EBF2: variants seen among roughly 807,000 people sequenced by gnomAD.
The protein encoded by EBF2 is transcription factor COE2.
EBF2 carries 21 observed loss-of-function variants against 72.8 expected under a neutral mutation model. The observed-to-expected ratio is 0.29, with a 90% CI of 0.20 to 0.42. The LOEUF is 0.42. Among genes scored for constraint, EBF2 ranks in the 10% least tolerant of loss-of-function variants. The pLI, the probability that EBF2 is intolerant of heterozygous loss-of-function variation, is 1.00. For synonymous variants in EBF2, 299 were observed against 274.2 expected (o/e 1.09, Z -0.89); for missense variants, 637 against 731.2 (o/e 0.87, Z 1.49).
chr8:25,889,940 C>A, intron 7 of EBF2, 71 bp from the exon 8 acceptor site: 2 of 1,344,442 alleles, frequency 1.5e-6, no homozygotes, highest in Non-Finnish European at 1.1e-6. Context: ...GCAAATGCAC[C>A]AAAATTCTGT....
At chr8:25,869,920 G>A (rs1388817949) in intron 10 of EBF2, among the ~76,000 whole-genome samples, 1 of 152,132 alleles carries the variant, frequency 6.6e-6, no homozygotes, top group Non-Finnish European at 1.5e-5. Flanking sequence ...GGTAAAGGTG[G>A]GATCTGTGTC....
At chr8:26,001,155 T>C (rs1585222089) in intron 6 of EBF2, among the ~76,000 whole-genome samples, 3 of 152,166 alleles carry the variant, frequency 2.0e-5, no homozygotes, top group Non-Finnish European at 4.4e-5. Flanking sequence ...TGCTTGGCAA[T>C]GGCTCACTGG....
At chr8:25,848,002 A>C (rs1244349213) in intron 15 of EBF2, among the ~76,000 whole-genome samples, 2 of 151,898 alleles carry the variant, frequency 1.3e-5, no homozygotes, top group African/African-American at 2.4e-5. Context: ...AACCACCTGT[A>C]CCCCCAAAAT....
chr8:25,897,996 T>C (rs547767546), intron 7 of EBF2, among the ~76,000 whole-genome samples: 11 of 152,308 alleles, frequency 7.2e-5, no homozygotes, highest in Admixed American at 7.2e-4. Flanking sequence ...TGGGTATTTA[T>C]TGAGACCCCT....
chr8:25,866,673 C>G (rs1233494573), intron 10 of EBF2, among the ~76,000 whole-genome samples: 7 of 142,350 alleles, frequency 4.9e-5, no homozygotes, highest in Non-Finnish European at 1.1e-4. Flanking sequence ...GCTGTGTCAC[C>G]CCGGCTGGAG....
At chr8:25,957,300 C>A (rs1266361559) in intron 6 of EBF2, among the ~76,000 whole-genome samples, 1 of 152,180 alleles carries the variant, frequency 6.6e-6, no homozygotes, top group Non-Finnish European at 1.5e-5. Context: ...CACATGTCTT[C>A]ACAAGAGTTT....
chr8:26,009,108 A>G (rs1485528670), intron 6 of EBF2, among the ~76,000 whole-genome samples: 2 of 3,492 alleles, frequency 5.7e-4, no homozygotes, highest in Non-Finnish European at 1.3e-3. Context: ...AGTAAAAGCG[A>G]AAAAAAAAAA....
chr8:25,870,675 T>C (rs904932193), intron 10 of EBF2, among the ~76,000 whole-genome samples: 7 of 152,102 alleles, frequency 4.6e-5, no homozygotes, highest in Non-Finnish European at 1.0e-4. Flanking sequence ...GGATACAGGG[T>C]CATGTCTAGT....
chr8:25,990,828 C>T (rs1432552652), intron 6 of EBF2, among the ~76,000 whole-genome samples: 1 of 152,216 alleles, frequency 6.6e-6, no homozygotes, highest in African/African-American at 2.4e-5. Flanking sequence ...TCTGTGTATT[C>T]TTCCCAGGCA....
rs1394880484 is a variant in EBF2, at chr8:25,887,815, C to T, written c.882+27G>A. 12 of 1,518,828 alleles carry T rather than the reference C, an allele frequency of 7.9e-6. 1 individual carries two copies. The highest frequency in any genetic ancestry group is 1.8e-4 in the Middle Eastern group (1 of 5,648). 94.1% of individuals were successfully genotyped at this position (1,518,828 alleles called of 1,614,324 possible). On this transcript the variant is annotated intron_variant, in intron 9 of 15. Coordinates refer to ENST00000520164, the MANE Select transcript of EBF2 (RefSeq NM_022659.4). ...AAACAATCTTTGGGCAAAAGGAAATCAGAGTAAGCCTGTTGCCTCTGCTTA... is the reference window on the plus strand; with the variant it reads ...AAACAATCTTTGGGCAAAAGGAAATTAGAGTAAGCCTGTTGCCTCTGCTTA...
chr8:26,008,820 A>G (rs1585225570), intron 6 of EBF2, among the ~76,000 whole-genome samples: 1 of 129,756 alleles, frequency 7.7e-6, no homozygotes, highest in Admixed American at 9.0e-5. Flanking sequence ...AACTACTCTT[A>G]CCCCTATTTA....
chr8:26,040,235 G>A, intron 4 of EBF2, 134 bp from the exon 5 acceptor site: 1 of 945,370 alleles, frequency 1.1e-6, no homozygotes, highest in Non-Finnish European at 1.6e-6. Flanking sequence ...CCCGCCCGCA[G>A]CACATTCTGC....
In EBF2 at chr8:26,044,085, CTCT is replaced by C. The variant is rs760308870; in HGVS notation, c.131+641_131+643del. Among the ~76,000 whole-genome samples, 2 of 152,220 alleles carry C rather than the reference CTCT, an allele frequency of 1.3e-5. No individual in the cohort carries two copies. Among genetic ancestry groups the C allele is most frequent in the East Asian group, 1.9e-4 (1 of 5,180 alleles). ...CTCAGTATTTTCTCTTCTTTTAAAT[CTCT>C]TCTTTTCTCCAGTTCCCTAGCTCCG... On this transcript the variant is annotated intron_variant, in intron 1 of 15. Transcript: ENST00000520164. The surrounding 1 kb of genome is among the most constrained non-coding windows in gnomAD (Gnocchi z 4.1).
intron 10 of EBF2, among the ~76,000 whole-genome samples, chr8:25,885,509 C>T (rs994752881): frequency 1.3e-5 from 2 of 152,096 alleles, no homozygotes; most frequent in Non-Finnish European, 2.9e-5. Context: ...GCTTTCTTTC[C>T]CTCCCATGCT....
intron 6 of EBF2, among the ~76,000 whole-genome samples, chr8:25,988,664 G>A (rs1443143438): frequency 6.6e-6 from 1 of 152,202 alleles, no homozygotes; most frequent in East Asian, 1.9e-4. Context: ...CAATCTAGTT[G>A]AAGAGAGAAT....
rs577222269 is a variant in EBF2, at chr8:25,964,585, G to A, written c.552-56030C>T. On this transcript the variant is annotated intron_variant, in intron 6 of 15. Transcript: ENST00000520164. ...AGACAGTTCCATGTTTAATGGGAGCGCCACATGTTTGATATGTAGGGAAGT... is the reference window on the plus strand; with the variant it reads ...AGACAGTTCCATGTTTAATGGGAGCACCACATGTTTGATATGTAGGGAAGT... Among the ~76,000 whole-genome samples the A allele has an allele frequency of 1.2e-4, 19 of 152,248 alleles. 1 individual carries two copies. In the South Asian group the frequency reaches 2.3e-3, roughly 18 times the overall value.
chr8:25,914,670 C>A (rs1803181204), intron 6 of EBF2, among the ~76,000 whole-genome samples: 1 of 152,176 alleles, frequency 6.6e-6, no homozygotes, highest in South Asian at 2.1e-4. Context: ...CAAGAAGATT[C>A]AAGGAAAGGA....
chr8:25,997,510 G>A (rs371666510), intron 6 of EBF2, among the ~76,000 whole-genome samples: 1 of 150,418 alleles, frequency 6.6e-6, no homozygotes, highest in South Asian at 2.1e-4. Context: ...GGTTGAGACT[G>A]CAGTGAGCCA....
intron 8 of EBF2, among the ~76,000 whole-genome samples, chr8:25,889,084 CA>C (rs1802736019): frequency 6.6e-6 from 1 of 152,118 alleles, no homozygotes. Flanking sequence ...TAGTATATAA[CA>C]AAACATCACA....
Sources: gnomAD v4.1 joint callset for allele counts (sites outside exome capture counted in the v4.1 genomes callset) on GRCh38, gnomAD v4.1.1 for gene constraint, Gnocchi (gnomAD v3.1) non-coding constraint, MANE v1.5 for transcripts, NCBI Gene and HGNC (gene_info 2026-07-23, HGNC 2026-07-21) for gene names.